Variants in EXD1 observed in about 807,000 individuals in gnomAD.
The protein encoded by EXD1 is piRNA biogenesis protein EXD1.
A neutral mutation model predicts 49.1 loss-of-function variants in EXD1; 63 were observed. The observed-to-expected ratio is 1.28, with a 90% CI of 1.05 to 1.58. The LOEUF (loss-of-function observed/expected upper bound fraction) is 1.58, where lower values mean the gene tolerates loss of function less well. Among genes scored for constraint, EXD1 ranks in the 40% most tolerant of loss-of-function variants. EXD1 has a pLI of 0.00. For missense variants in EXD1, 748 were observed against 666.0 expected, an observed-to-expected ratio of 1.12 and a Z score of -1.36; for synonymous variants, 234 against 239.2, an observed-to-expected ratio of 0.98 and a Z score of 0.20.
chr15:41,184,641 T>A lies in EXD1; in HGVS notation c.1057-48A>T, dbSNP rs1595416942. The A allele has an allele frequency of 2.0e-6, 3 of 1,501,468 alleles. No homozygotes were observed. The East Asian group carries it at 7.0e-5, about 35-fold the overall frequency. The allele number at this position is 1,501,468 out of a possible 1,614,324, so 93.0% of individuals were successfully genotyped here. Reference sequence around the variant, plus strand: ...AGTTTATTATAACTAAACTTCTGAATATGGTACTTAAAATCACTTTTTTTT... The same window carrying A: ...AGTTTATTATAACTAAACTTCTGAAAATGGTACTTAAAATCACTTTTTTTT... On this transcript the variant is annotated intron_variant, in intron 11 of 11. Transcript: ENST00000458580.
rs749695030 is a variant in EXD1, at chr15:41,184,468, C to T, written c.1182G>A (p.Gln394=). Residue 394 remains glutamine, a synonymous_variant, in exon 12 of 12, where the codon CAG becomes CAA. Coordinates refer to ENST00000458580, the MANE Select transcript of EXD1 (RefSeq NM_001286441.2). ...AQGLLIRTVL[Q]PKKLVTETAG... is the part of the protein sequence containing the mutation. ...CTGTCTCTGTCACTAATTTCTTTGGCTGTAGCACTGTCCTTATCAGGAGTC... is the reference window on the plus strand; with the variant it reads ...CTGTCTCTGTCACTAATTTCTTTGGTTGTAGCACTGTCCTTATCAGGAGTC... 16 of 1,614,154 alleles carry T rather than the reference C, an allele frequency of 9.9e-6. No homozygotes were observed. The South Asian group carries it at 1.4e-4, about 14-fold the overall frequency.
In EXD1 at chr15:41,191,521, A is replaced by G. The variant is rs2046516403; in HGVS notation, c.785T>C (p.Leu262Ser). 6.2e-7 allele frequency: 1 copy of G among 1,614,032 alleles called. No individual in the cohort carries two copies. The highest frequency in any genetic ancestry group is 1.3e-5 in the African/African-American group (1 of 75,050). The change falls in exon 10 of 12, where the codon TTG becomes TCG. Residue 262 changes from leucine to serine, a missense_variant. Physicochemically the swap from Leu to Ser is moderately radical, Grantham distance 145. Transcript: ENST00000458580. ...AAGGTGTTTGATTAAACTCTCCTGC[A>G]AAGTAGTGATGCAGTTTGGAAGATA... ...GGYLPNCITT[L>S]QESLIKHLQV...
intron 6 of EXD1, among the ~76,000 whole-genome samples, chr15:41,210,425 C>T (rs1370586647): frequency 6.6e-6 from 1 of 152,172 alleles, no homozygotes; most frequent in African/African-American, 2.4e-5. Context: ...GGCGCAGTGG[C>T]TCATGCCTAT....
rs2140781859 is a variant in EXD1, at chr15:41,183,303, C to T, written c.*628G>A. On this transcript the variant is annotated 3_prime_UTR_variant, in exon 12 of 12. Transcript: ENST00000458580. ...AGACTCCATCAAAAAACAAATAAAACAAAAATTAAATTATTGATTCCTATA... is the reference window on the plus strand; with the variant it reads ...AGACTCCATCAAAAAACAAATAAAATAAAAATTAAATTATTGATTCCTATA... The T allele has an allele frequency of 6.6e-6, 1 of 151,930 alleles. No individual in the cohort carries two copies. The highest frequency in any genetic ancestry group is 1.5e-5 in the Non-Finnish European group (1 of 67,902). 9.4% of individuals were successfully genotyped at this position (151,930 alleles called of 1,614,324 possible). A position where few individuals can be genotyped will look rare whatever the true frequency, so the allele number is the denominator to read the frequency against.
In EXD1 at chr15:41,198,879, G is replaced by T. The variant is rs143751767; in HGVS notation, c.535-2842C>A. 3.8e-3 allele frequency among the ~76,000 whole-genome samples: 577 copies of T among 150,322 alleles called. 6 individuals carry two copies. Among genetic ancestry groups the T allele is most frequent in the African/African-American group, 0.013 (536 of 40,882 alleles). On this transcript the variant is annotated intron_variant, in intron 7 of 11. Coordinates refer to ENST00000458580, the MANE Select transcript of EXD1 (RefSeq NM_001286441.2). ...TGCCACCACGCCCGGGTAATTTGTT[G>T]CATTTTTAGTAGGGACTAGGTTTGG...
chr15:41,211,489 A>C (rs80315674), intron 6 of EXD1, among the ~76,000 whole-genome samples: 24,388 of 151,782 alleles, frequency 0.16, 3,599 homozygotes, highest in African/African-American at 0.39. Context: ...AATAATACTT[A>C]CAACTCAATG....
At chr15:41,200,098 G>GT (rs2046704722) in intron 7 of EXD1, among the ~76,000 whole-genome samples, 3 of 151,534 alleles carry the variant, frequency 2.0e-5, no homozygotes. Flanking sequence ...TAGAGATAGG[G>GT]TTTGTTTCAC....
chr15:41,195,624 A>G (rs1336186329), intron 9 of EXD1, 151 bp downstream of exon 9: 1 of 494,042 alleles, frequency 2.0e-6, no homozygotes, highest in East Asian at 3.2e-5. Flanking sequence ...CACATATTGT[A>G]CAAACATTTT....
At chr15:41,228,989 G>A (rs1211712021) in intron 1 of EXD1, among the ~76,000 whole-genome samples, 1 of 152,136 alleles carries the variant, frequency 6.6e-6, no homozygotes, top group Non-Finnish European at 1.5e-5. Context: ...AAAAAGTAAG[G>A]TCAGCATCAA....
intron 6 of EXD1, among the ~76,000 whole-genome samples, chr15:41,211,136 C>T (rs2046915573): frequency 6.6e-6 from 1 of 152,228 alleles, no homozygotes; most frequent in East Asian, 1.9e-4. Context: ...CAGATCATAG[C>T]TCACTGTGGC....
intron 9 of EXD1, among the ~76,000 whole-genome samples, chr15:41,193,450 A>G (rs1489199974): frequency 6.6e-6 from 1 of 151,902 alleles, no homozygotes; most frequent in Non-Finnish European, 1.5e-5. Flanking sequence ...CTGGGGGGGA[A>G]AAAAATGGGC....
rs76260178 is a variant in EXD1, at chr15:41,226,495, G to A, written c.81C>T (p.Phe27=). 194 of 1,535,990 alleles carry A rather than the reference G, an allele frequency of 1.3e-4. No individual in the cohort carries two copies. In the East Asian group the frequency reaches 3.9e-3, roughly 31 times the overall value. The change falls in exon 2 of 12, where the codon TTC becomes TTT. Residue 27 remains phenylalanine (F), a synonymous_variant. Transcript: ENST00000458580. ...GGTCAACATGCTGAAGCACACCCTC[G>A]AAGACACCACAGACCAATGTGAGTT... is the stretch of plus-strand genomic sequence containing the variant. ...RVKLTLVCGV[F]EGVLQHVDPN...
chr15:41,230,508 G>A lies in EXD1; in HGVS notation c.-83C>T, dbSNP rs751723480. On this transcript the variant is annotated 5_prime_UTR_variant, in exon 1 of 12. The change creates a new upstream start codon in the 5' untranslated region. Transcript: ENST00000458580. ...AGCTAGGAATTCACTGTCCTCCATC[G>A]TTAGGGCTTTTTCCTCCGAAGGAAG... 5 of 1,614,172 alleles carry A rather than the reference G, an allele frequency of 3.1e-6. No individual in the cohort carries two copies. The highest frequency in any genetic ancestry group is 3.4e-6 in the Non-Finnish European group (4 of 1,180,018).
chr15:41,195,894 G>A lies in EXD1; in HGVS notation c.639+39C>T. The A allele has an allele frequency of 3.1e-6, 5 of 1,609,294 alleles. No homozygotes were observed. In the South Asian group the frequency reaches 5.5e-5, roughly 18 times the overall value. ...AGGAAACAGTCATTAGAACCTGGCT[G>A]CTAATCTTAATAGCACAGGAATCAG... is the stretch of plus-strand genomic sequence containing the variant. On this transcript the variant is annotated intron_variant, in intron 8 of 11. Transcript: ENST00000458580.
chr15:41,226,015 G>A (rs2047159247), intron 2 of EXD1, among the ~76,000 whole-genome samples: 1 of 152,206 alleles, frequency 6.6e-6, no homozygotes, highest in South Asian at 2.1e-4. Context: ...AACTTTGGGA[G>A]GCCAAGGCAG....
At chr15:41,229,921 G>A (rs530672552) in intron 1 of EXD1, among the ~76,000 whole-genome samples, 1 of 152,138 alleles carries the variant, frequency 6.6e-6, no homozygotes, top group African/African-American at 2.4e-5. Context: ...AGCCTGCTAC[G>A]ACAAAAATAT....
chr15:41,204,247 C>CAAA (rs773719149), intron 7 of EXD1, among the ~76,000 whole-genome samples: 1 of 76,088 alleles, frequency 1.3e-5, no homozygotes, highest in Non-Finnish European at 2.8e-5. Context: ...GACTCTGTCT[C>CAAA]AAAAAAAAAA....
At chr15:41,214,373 C>T (rs1012178639) in intron 6 of EXD1, among the ~76,000 whole-genome samples, 15 of 150,702 alleles carry the variant, frequency 1.0e-4, no homozygotes, top group African/African-American at 2.9e-4. Context: ...AATTAGCTGG[C>T]GTGGTGGTGC....
At chr15:41,191,632 G>C in intron 9 of EXD1, 47 bp from the exon 10 acceptor site, 1 of 1,538,486 alleles carries the variant, frequency 6.5e-7, no homozygotes. Flanking sequence ...TATATACAGA[G>C]AGCTATCTCA....
Sources: gnomAD v4.1 joint callset for allele counts (sites outside exome capture counted in the v4.1 genomes callset) on GRCh38, gnomAD v4.1.1 for gene constraint, MANE v1.5 for transcripts, NCBI Gene and HGNC (gene_info 2026-07-23, HGNC 2026-07-21) for gene names.